PCDH9: variants seen among roughly 807,000 people sequenced by gnomAD.
PCDH9 encodes protocadherin-9.
In PCDH9, 24 loss-of-function variants were observed where a neutral mutation model predicts 70.6. That is an observed-to-expected ratio of 0.34 (90% CI 0.25 to 0.48). The LOEUF (loss-of-function observed/expected upper bound fraction) is 0.48, where lower values mean the gene tolerates loss of function less well. PCDH9 is among the 20% of genes least tolerant of loss of function. The pLI is 0.99. For missense variants in PCDH9, 1,281 were observed against 1,503.6 expected (o/e 0.85, Z 2.45); for synonymous variants, 562 against 558.5 (o/e 1.01, Z -0.09).
At position 66,884,171 on chromosome 13, in the gene PCDH9, T is replaced by C. The variant is rs540376835; in HGVS notation, c.3138+19333A>G. Among the ~76,000 whole-genome samples the C allele has an allele frequency of 2.8e-4, 43 of 152,206 alleles. 1 individual carries two copies. Among genetic ancestry groups the C allele is most frequent in the Admixed American group, 5.9e-4 (9 of 15,284 alleles). ...CCTCTGTCTCCCAAAGTGCTGGGATTACAGGCATGAGCCACCGTGCCTGGC... is the reference window on the plus strand; with the variant it reads ...CCTCTGTCTCCCAAAGTGCTGGGATCACAGGCATGAGCCACCGTGCCTGGC... On this transcript the variant is annotated intron_variant, in intron 3 of 4. Transcript: ENST00000377865.
intron 2 of PCDH9, among the ~76,000 whole-genome samples, chr13:67,072,752 A>G (rs1426221289): frequency 6.6e-6 from 1 of 152,102 alleles, no homozygotes; most frequent in African/African-American, 2.4e-5. Flanking sequence ...TGGAGGCATT[A>G]CGGTAAATAT....
At chr13:66,815,153 A>T (rs892297251) in intron 3 of PCDH9, among the ~76,000 whole-genome samples, 1 of 152,196 alleles carries the variant, frequency 6.6e-6, no homozygotes, top group Non-Finnish European at 1.5e-5. Context: ...CACACAGCCA[A>T]CAAGCATATG....
intron 2 of PCDH9, among the ~76,000 whole-genome samples, chr13:67,006,155 A>C (rs919942991): frequency 2.6e-5 from 4 of 152,168 alleles, no homozygotes; most frequent in Non-Finnish European, 5.9e-5. Context: ...TGAACCCGGG[A>C]GGCGCAGCTT....
chr13:66,588,085 C>A (rs2076986884), intron 4 of PCDH9, among the ~76,000 whole-genome samples: 1 of 152,008 alleles, frequency 6.6e-6, no homozygotes. Context: ...TTTACAATAA[C>A]TTTGTAAAAA....
chr13:66,538,049 AG>A (rs1440700596), intron 4 of PCDH9, among the ~76,000 whole-genome samples: 2 of 152,150 alleles, frequency 1.3e-5, no homozygotes, highest in African/African-American at 2.4e-5. Flanking sequence ...CCTTCTCATT[AG>A]AGTTACTTTG....
At chr13:67,198,486 G>A (rs1020616847) in intron 2 of PCDH9, among the ~76,000 whole-genome samples, 7 of 151,642 alleles carry the variant, frequency 4.6e-5, no homozygotes, top group East Asian at 1.9e-4. Context: ...TAATTTTATC[G>A]TTTCTTCCAC....
At chr13:67,083,595 G>T (rs904029875) in intron 2 of PCDH9, among the ~76,000 whole-genome samples, 12 of 152,024 alleles carry the variant, frequency 7.9e-5, no homozygotes, top group African/African-American at 2.4e-4. Flanking sequence ...TCTATGAAAG[G>T]TGCTTTTTAG....
chr13:66,308,663 G>C (rs1478483555), intron 4 of PCDH9, among the ~76,000 whole-genome samples: 1 of 151,986 alleles, frequency 6.6e-6, no homozygotes, highest in Non-Finnish European at 1.5e-5. Context: ...GGGTTAGCTA[G>C]GGTTTTAGGG....
chr13:66,416,348 C>G (rs1447262542), intron 4 of PCDH9, among the ~76,000 whole-genome samples: 1 of 150,704 alleles, frequency 6.6e-6, no homozygotes, highest in Non-Finnish European at 1.5e-5. Context: ...GAAAAAATAA[C>G]CTTAAGAAAA....
intron 2 of PCDH9, among the ~76,000 whole-genome samples, chr13:67,061,972 G>A (rs2138128946): frequency 6.6e-6 from 1 of 152,280 alleles, no homozygotes; most frequent in South Asian, 2.1e-4. Context: ...AGGGCTAGTA[G>A]GCGGTAACGG....
chr13:66,693,577 A>G (rs962388775), intron 3 of PCDH9, among the ~76,000 whole-genome samples: 2 of 152,152 alleles, frequency 1.3e-5, no homozygotes, highest in African/African-American at 4.8e-5. Flanking sequence ...CTCTCTATGG[A>G]CAATTTGTCA....
chr13:67,171,919 T>A (rs2088297297), intron 2 of PCDH9, among the ~76,000 whole-genome samples: 1 of 152,150 alleles, frequency 6.6e-6, no homozygotes. Context: ...CTGCTAGAGG[T>A]ATCTGCCTTA....
intron 4 of PCDH9, among the ~76,000 whole-genome samples, chr13:66,436,918 C>CA (rs1004391880): frequency 9.3e-5 from 14 of 149,920 alleles, no homozygotes; most frequent in Non-Finnish European, 1.3e-4. Flanking sequence ...TTGTGAGCTG[C>CA]AAAAAAAAAG....
intron 3 of PCDH9, among the ~76,000 whole-genome samples, chr13:66,836,561 C>G (rs1375839264): frequency 1.3e-5 from 2 of 152,128 alleles, no homozygotes; most frequent in African/African-American, 4.8e-5. Context: ...ATTCTCTGTG[C>G]ACCTACATCA....
intron 2 of PCDH9, chr13:67,207,276 A>G (rs770237562): frequency 5.3e-5 from 8 of 152,186 alleles, no homozygotes; most frequent in Non-Finnish European, 1.2e-4. Flanking sequence ...GTTTTGTATA[A>G]AAGTTCCATG....
intron 3 of PCDH9, among the ~76,000 whole-genome samples, chr13:66,692,057 T>C (rs1240562891): frequency 6.6e-6 from 1 of 152,172 alleles, no homozygotes; most frequent in East Asian, 1.9e-4. Flanking sequence ...TTACACATGG[T>C]GTATAAATCA....
At chr13:66,665,968 T>C (rs528857288) in intron 3 of PCDH9, among the ~76,000 whole-genome samples, 2 of 152,262 alleles carry the variant, frequency 1.3e-5, no homozygotes, top group Admixed American at 1.3e-4. Context: ...AGCCAAAGAT[T>C]TCTCCTTCAG....
chr13:67,157,808 G>C (rs2087853557), intron 2 of PCDH9, among the ~76,000 whole-genome samples: 1 of 152,194 alleles, frequency 6.6e-6, no homozygotes, highest in African/African-American at 2.4e-5. Context: ...CACGCAGATA[G>C]ATTTTTGGGG....
chr13:66,407,971 T>C (rs186635906), intron 4 of PCDH9, among the ~76,000 whole-genome samples: 51 of 152,206 alleles, frequency 3.4e-4, no homozygotes, highest in Non-Finnish European at 6.9e-4. Context: ...GATTGTATGA[T>C]TGAGACAAAC....
Sources: allele counts gnomAD v4.1 joint callset (sites outside exome capture counted in the v4.1 genomes callset), GRCh38; gene constraint gnomAD v4.1.1; transcripts MANE v1.5; gene names NCBI Gene and HGNC (gene_info 2026-07-23, HGNC 2026-07-21).